The following PCDHGA5 variants were observed in gnomAD, a reference collection of about 807,000 sequenced individuals.
The protein encoded by PCDHGA5 is protocadherin gamma subfamily A, 5, also known as protocadherin gamma-A5.
A neutral mutation model predicts 56.7 loss-of-function variants in PCDHGA5; 36 were observed. The ratio of observed to expected loss-of-function variants is 0.64; its 90% CI spans 0.49 to 0.84. PCDHGA5 has a LOEUF of 0.84. Ranked by LOEUF, PCDHGA5 falls within the 40% of genes least tolerant of loss-of-function variation. The probability of loss-of-function intolerance (pLI) is 0.00; values close to 1 mark genes in which losing one functional copy is unlikely to be tolerated. For missense variants in PCDHGA5, 1,305 were observed against 1,201.5 expected, an observed-to-expected ratio of 1.09 and a Z score of -1.27; for synonymous variants, 563 against 520.2, an observed-to-expected ratio of 1.08 and a Z score of -1.12.
At chr5:141,413,648 TC>T in intron 1 of PCDHGA5, 1 of 1,613,820 alleles carries the variant, frequency 6.2e-7, no homozygotes, top group Non-Finnish European at 8.5e-7. Context: ...CGTTTTCCTC[TC>T]CCGGAAGCTA....
chr5:141,429,573 T>G (rs1026656206), intron 1 of PCDHGA5, among the ~76,000 whole-genome samples: 3 of 152,206 alleles, frequency 2.0e-5, no homozygotes, highest in Non-Finnish European at 4.4e-5. Context: ...TCAGTTACAT[T>G]TACTTTTGAT....
At chr5:141,419,674 C>T (rs372932653) in intron 1 of PCDHGA5, 48 of 1,612,820 alleles carry the variant, frequency 3.0e-5, no homozygotes, top group Non-Finnish European at 3.7e-5. Context: ...CCTGGCTGTC[C>T]TACCACGTGG....
At chr5:141,408,052 C>G in intron 1 of PCDHGA5, 1 of 1,283,102 alleles carries the variant, frequency 7.8e-7, no homozygotes, top group Non-Finnish European at 1.0e-6. Flanking sequence ...CACACAGAGC[C>G]TCCCGGCTGC....
chr5:141,464,907 T>A lies in PCDHGA5; in HGVS notation c.2422-29900T>A, dbSNP rs187725683. On this transcript the variant is annotated intron_variant, in intron 1 of 3. Transcript: ENST00000518069. ...ATGGATGCCACCATGTCCAGCTAAT[T>A]TTTTTATTTTTTTGTAGAGATGTGA... 4.5e-3 allele frequency among the ~76,000 whole-genome samples: 687 copies of A among 152,148 alleles called. 4 individuals are homozygous for A. Among genetic ancestry groups the A allele is most frequent in the African/African-American group, 0.015 (630 of 41,510 alleles).
chr5:141,443,820 T>C (rs1329478151), intron 1 of PCDHGA5, among the ~76,000 whole-genome samples: 1 of 151,986 alleles, frequency 6.6e-6, no homozygotes. Flanking sequence ...TTGGAAAACA[T>C]AATTAGGTAA....
chr5:141,450,568 C>A (rs2098685790), intron 1 of PCDHGA5, among the ~76,000 whole-genome samples: 1 of 152,002 alleles, frequency 6.6e-6, no homozygotes. Flanking sequence ...CTCACTGCAA[C>A]TTCTGCCTCC....
chr5:141,400,636 G>T (rs1478195116), intron 1 of PCDHGA5: 4 of 1,325,644 alleles, frequency 3.0e-6, no homozygotes, highest in Non-Finnish European at 4.2e-6. Context: ...AGTCAGAGCT[G>T]CTCAGAAAGC....
intron 1 of PCDHGA5, chr5:141,424,728 G>A (rs907091181): frequency 1.3e-5 from 2 of 152,102 alleles, no homozygotes; most frequent in African/African-American, 2.4e-5. Flanking sequence ...GGGAGTCATA[G>A]ATTCCTTCTT....
intron 1 of PCDHGA5, chr5:141,372,378 C>T: frequency 6.2e-7 from 1 of 1,614,030 alleles, no homozygotes; most frequent in African/African-American, 1.3e-5. Context: ...CATGCTGCAC[C>T]TAATCTTCGC....
At chr5:141,419,411 C>T (rs757881409) in intron 1 of PCDHGA5, 7 of 1,613,344 alleles carry the variant, frequency 4.3e-6, no homozygotes, top group Non-Finnish European at 5.9e-6. Flanking sequence ...GTTCGCGCAG[C>T]GCGCCTTCGA....
chr5:141,489,477 G>C lies in PCDHGA5; in HGVS notation c.2422-5330G>C, dbSNP rs2154581232. 1.9e-6 allele frequency: 3 copies of C among 1,614,108 alleles called. No homozygotes were observed. Among genetic ancestry groups the C allele is most frequent in the Non-Finnish European group, 2.5e-6 (3 of 1,180,034 alleles). ...ATGGGCGCTATTTTTCCCTGAGCTT[G>C]ATGAGTGGTGCCCTGGCAGTGAATC... is the stretch of plus-strand genomic sequence containing the variant. On this transcript the variant is annotated intron_variant, in intron 1 of 3. Coordinates refer to ENST00000518069, the MANE Select transcript of PCDHGA5 (RefSeq NM_018918.3). This position sits in a 1 kb window ranked among gnomAD's most constrained non-coding sequence, Gnocchi z 4.5.
intron 1 of PCDHGA5, among the ~76,000 whole-genome samples, chr5:141,397,737 C>T (rs2093564219): frequency 6.6e-6 from 1 of 152,164 alleles, no homozygotes. Flanking sequence ...GAGAAAGATA[C>T]CTTAAAGAAG....
chr5:141,414,060 G>C (rs769101242), intron 1 of PCDHGA5: 1 of 1,609,304 alleles, frequency 6.2e-7, no homozygotes, highest in South Asian at 1.1e-5. Flanking sequence ...AATTGTTGAA[G>C]TTCCAACTAA....
rs1221200737 is a variant in PCDHGA5, at chr5:141,364,170, T to G, written c.-161T>G. 16 of 776,358 alleles carry G rather than the reference T, an allele frequency of 2.1e-5. No homozygotes were observed. The East Asian group carries it at 4.0e-4, about 19-fold the overall frequency. The allele number at this position is 776,358 out of a possible 1,614,324, so 48.1% of individuals were successfully genotyped here. A position where few individuals can be genotyped will look rare whatever the true frequency, so the allele number is the denominator to read the frequency against. The stretch of plus-strand genomic sequence containing the variant: ...GAAGCTGCCGCAGAGGCGACCCGAC[T>G]CTGCTCCCTCCATACTAAACACACA... On this transcript the variant is annotated 5_prime_UTR_variant, in exon 1 of 4. Coordinates refer to ENST00000518069, the MANE Select transcript of PCDHGA5 (RefSeq NM_018918.3).
intron 1 of PCDHGA5, among the ~76,000 whole-genome samples, chr5:141,448,086 TAA>T (rs558292628): frequency 6.8e-6 from 1 of 146,354 alleles, no homozygotes; most frequent in Middle Eastern, 3.2e-3. Flanking sequence ...AATGCCATCT[TAA>T]AAAAAAAAAA....
intron 1 of PCDHGA5, chr5:141,419,381 A>T (rs1170271990): frequency 6.2e-7 from 1 of 1,613,544 alleles, no homozygotes; most frequent in Admixed American, 1.7e-5. Flanking sequence ...CGTGTCCGTG[A>T]GCGCGCAGAG....
In PCDHGA5 at chr5:141,371,791, C is replaced by G. The variant is rs758674133; in HGVS notation, c.2421+5040C>G. The stretch of plus-strand genomic sequence containing the variant: ...ACCGTGCATGTAGCTGAGAACAATC[C>G]GCCTGGAGCCTCCATTGCGCATGTC... On this transcript the variant is annotated intron_variant, in intron 1 of 3. Transcript: ENST00000518069. 6.2e-7 allele frequency: 1 copy of G among 1,613,938 alleles called. No homozygotes were observed. Among genetic ancestry groups the G allele is most frequent in the East Asian group, 2.2e-5 (1 of 44,884 alleles).
rs189824439 is a variant in PCDHGA5 at position 141,393,729 on chromosome 5, A to G, written c.2421+26978A>G. ...TACTGGGGAAATATCAATAGCAAAA[A>G]GTCTAGATTATGAAGAATGTTCATT... On this transcript the variant is annotated intron_variant, in intron 1 of 3. Transcript: ENST00000518069. 7.2e-4 allele frequency: 1,163 copies of G among 1,613,856 alleles called. 2 individuals carry two copies. Among genetic ancestry groups the G allele is most frequent in the Non-Finnish European group, 7.9e-4 (934 of 1,179,868 alleles).
At chr5:141,368,563 T>C (rs1228765550) in intron 1 of PCDHGA5, among the ~76,000 whole-genome samples, 1 of 152,184 alleles carries the variant, frequency 6.6e-6, no homozygotes, top group Non-Finnish European at 1.5e-5. Context: ...GAAAATGTTA[T>C]ATGCTTCTTA....
Sources: allele counts gnomAD v4.1 joint callset (sites outside exome capture counted in the v4.1 genomes callset), GRCh38; gene constraint gnomAD v4.1.1; non-coding constraint Gnocchi (gnomAD v3.1); transcripts MANE v1.5; gene names NCBI Gene and HGNC (gene_info 2026-07-23, HGNC 2026-07-21).